The following FHIT variants were observed in gnomAD, a reference collection of about 807,000 sequenced individuals.
The protein encoded by FHIT is fragile histidine triad diadenosine triphosphatase, also known as bis(5'-adenosyl)-triphosphatase.
In FHIT, 19 loss-of-function variants were observed where a neutral mutation model predicts 17.9. That is an observed-to-expected ratio of 1.06 (90% CI 0.74 to 1.56). The LOEUF (loss-of-function observed/expected upper bound fraction) is 1.56. Ranked by LOEUF, FHIT falls within the 40% of genes most tolerant of loss-of-function variation. The pLI, the probability that FHIT is intolerant of heterozygous loss-of-function variation, is 0.00. For synonymous variants in FHIT, 81 were observed against 69.7 expected (o/e 1.16, Z -0.81); for missense variants, 248 against 189.2 (o/e 1.31, Z -1.82).
At chr3:60,793,309 T>TTTTTC (rs1381422065) in intron 4 of FHIT, among the ~76,000 whole-genome samples, 5 of 144,220 alleles carry the variant, frequency 3.5e-5, no homozygotes, top group African/African-American at 7.5e-5. Context: ...TTTCTTTTTC[T>TTTTTC]TTTTTTTTTT....
intron 4 of FHIT, among the ~76,000 whole-genome samples, chr3:60,668,761 T>C (rs782137896): frequency 1.3e-4 from 20 of 151,998 alleles, no homozygotes; most frequent in Non-Finnish European, 2.6e-4. Flanking sequence ...GAGACGGGGT[T>C]CCACCGTGTT....
chr3:60,529,042 T>C (rs1022171126), intron 5 of FHIT, among the ~76,000 whole-genome samples: 10 of 152,188 alleles, frequency 6.6e-5, no homozygotes, highest in African/African-American at 2.4e-4. Flanking sequence ...TTAAAGCCTG[T>C]AGTAGAAATC....
chr3:61,095,732 C>T (rs1156681370), intron 2 of FHIT, among the ~76,000 whole-genome samples: 4 of 152,150 alleles, frequency 2.6e-5, no homozygotes, highest in Non-Finnish European at 4.4e-5. Flanking sequence ...TCTGCTTTTT[C>T]GCTGCCACCA....
chr3:60,759,051 G>A (rs975037770), intron 4 of FHIT, among the ~76,000 whole-genome samples: 1 of 152,116 alleles, frequency 6.6e-6, no homozygotes, highest in Non-Finnish European at 1.5e-5. Context: ...GCACTTTTGA[G>A]TACCAGTAGA....
At chr3:60,075,493 G>C (rs1702964468) in intron 5 of FHIT, among the ~76,000 whole-genome samples, 1 of 152,088 alleles carries the variant, frequency 6.6e-6, no homozygotes, top group Non-Finnish European at 1.5e-5. Flanking sequence ...TATTATTCGA[G>C]TGTTTGTTTA....
intron 3 of FHIT, among the ~76,000 whole-genome samples, chr3:60,915,225 C>T (rs960974715): frequency 6.6e-6 from 1 of 152,052 alleles, no homozygotes; most frequent in African/African-American, 2.4e-5. Flanking sequence ...CTGAATAGTA[C>T]CATACATTAA....
intron 5 of FHIT, among the ~76,000 whole-genome samples, chr3:60,125,964 C>A (rs1705529117): frequency 6.6e-6 from 1 of 152,170 alleles, no homozygotes; most frequent in South Asian, 2.1e-4. Context: ...TCTTCCTCCC[C>A]TTCTTTCTCT....
chr3:61,215,857 T>G (rs1171524286), intron 1 of FHIT, among the ~76,000 whole-genome samples: 1 of 152,216 alleles, frequency 6.6e-6, no homozygotes, highest in Non-Finnish European at 1.5e-5. Flanking sequence ...TGCAACTATG[T>G]GATCTTTGAC....
At chr3:60,485,051 A>G (rs186802829) in intron 5 of FHIT, among the ~76,000 whole-genome samples, 9 of 152,356 alleles carry the variant, frequency 5.9e-5, no homozygotes, top group Admixed American at 5.2e-4. Context: ...CATATGAAAA[A>G]AAGCTCAACA....
chr3:60,328,174 TTG>T (rs1553745158), intron 5 of FHIT, among the ~76,000 whole-genome samples: 2 of 40,708 alleles, frequency 4.9e-5, no homozygotes, highest in East Asian at 7.6e-3. Context: ...ATTGGAAAAG[TTG>T]GAAAGGGCAG....
chr3:59,799,588 G>T (rs530663892), intron 8 of FHIT, among the ~76,000 whole-genome samples: 156 of 152,274 alleles, frequency 1.0e-3, no homozygotes, highest in African/African-American at 3.6e-3. Context: ...AAATATGATA[G>T]CTAGATAGTC....
chr3:59,923,831 C>A (rs560119555), intron 7 of FHIT, among the ~76,000 whole-genome samples: 1 of 152,084 alleles, frequency 6.6e-6, no homozygotes, highest in African/African-American at 2.4e-5. Flanking sequence ...GAAAGTGACA[C>A]GCTATTAAAG....
At chr3:60,555,420 A>C (rs1474580619) in intron 4 of FHIT, among the ~76,000 whole-genome samples, 2 of 152,244 alleles carry the variant, frequency 1.3e-5, no homozygotes, top group Non-Finnish European at 2.9e-5. Flanking sequence ...TAAATGAATC[A>C]AGTCTTGACT....
chr3:60,815,683 C>A (rs549695552), intron 4 of FHIT, among the ~76,000 whole-genome samples: 5 of 152,100 alleles, frequency 3.3e-5, no homozygotes, highest in African/African-American at 9.6e-5. Flanking sequence ...CAGCTTTGTT[C>A]TTTTTGTTTA....
At chr3:60,944,609 G>C (rs1708563379) in intron 3 of FHIT, among the ~76,000 whole-genome samples, 1 of 152,184 alleles carries the variant, frequency 6.6e-6, no homozygotes, top group Non-Finnish European at 1.5e-5. Flanking sequence ...TCATAGTGTG[G>C]CAGAGTAATG....
chr3:60,802,251 G>A (rs1308990936), intron 4 of FHIT, among the ~76,000 whole-genome samples: 1 of 152,190 alleles, frequency 6.6e-6, no homozygotes, highest in Non-Finnish European at 1.5e-5. Context: ...CAATCTATTA[G>A]TTTACCAGAT....
chr3:60,608,542 A>G (rs1419738584), intron 4 of FHIT, among the ~76,000 whole-genome samples: 2 of 152,274 alleles, frequency 1.3e-5, no homozygotes, highest in South Asian at 4.1e-4. Context: ...GACCCAGCTA[A>G]TAACGAAAGT....
chr3:60,397,314 G>C (rs1271293415), intron 5 of FHIT, among the ~76,000 whole-genome samples: 1 of 152,126 alleles, frequency 6.6e-6, no homozygotes, highest in Non-Finnish European at 1.5e-5. Flanking sequence ...GGGTAGGAAG[G>C]AAGAACTTCC....
chr3:60,794,856 C>T (rs1424719970), intron 4 of FHIT, among the ~76,000 whole-genome samples: 1 of 152,102 alleles, frequency 6.6e-6, no homozygotes, highest in Non-Finnish European at 1.5e-5. Flanking sequence ...GTGCTATGGG[C>T]AATTTTGTTT....
Sources: allele counts gnomAD v4.1 joint callset (sites outside exome capture counted in the v4.1 genomes callset), GRCh38; gene constraint gnomAD v4.1.1; transcripts MANE v1.5; gene names NCBI Gene and HGNC (gene_info 2026-07-23, HGNC 2026-07-21).